Variants in SEMA6A observed in about 807,000 individuals in gnomAD.
SEMA6A encodes the protein semaphorin-6A.
SEMA6A carries 25 observed loss-of-function variants against 96.8 expected under a neutral mutation model. That is an observed-to-expected ratio of 0.26 (90% CI 0.19 to 0.36). The LOEUF is 0.36. SEMA6A is among the 10% of genes least tolerant of loss of function. The pLI, the probability that SEMA6A is intolerant of heterozygous loss-of-function variation, is 1.00. For missense variants in SEMA6A, 1,363 were observed against 1,323.1 expected (o/e 1.03, Z -0.47); for synonymous variants, 612 against 518.0 (o/e 1.18, Z -2.46).
In SEMA6A at chr5:116,446,937, G is replaced by T; in HGVS notation, c.2769C>A (p.Asn923Lys). 6 of 1,614,004 alleles carry T rather than the reference G, an allele frequency of 3.7e-6. No individual in the cohort carries two copies. Among genetic ancestry groups the T allele is most frequent in the Non-Finnish European group, 5.1e-6 (6 of 1,179,894 alleles). ...TGGCCTGGTGGCTTCTCGTGAGCGA[G>T]TTCGTGGGGTAGCTCCTCTTATAGT... ...GVDYKRSYPT[N>K]SLTRSHQATT... The change falls in exon 19 of 19, where the codon AAC becomes AAA. Residue 923 changes from asparagine (N) to lysine (K), a missense_variant. By Grantham distance (94) the Asn-to-Lys change is moderately conservative. This residue lies in a region of SEMA6A where 883 missense variants were observed against 763.6 expected (regional missense o/e 1.16). Coordinates refer to ENST00000343348, the MANE Select transcript of SEMA6A (RefSeq NM_020796.5).
At chr5:116,574,158 G>T (rs557549293) in intron 1 of SEMA6A, 27 bp downstream of exon 1, 1 of 151,292 alleles carries the variant, frequency 6.6e-6, no homozygotes, top group African/African-American at 2.4e-5. Flanking sequence ...CCGGGAGGTG[G>T]GGCGCGCCCG....
chr5:116,478,286 G>A (rs1308867072), intron 13 of SEMA6A, 132 bp from the exon 14 acceptor site: 2 of 1,058,480 alleles, frequency 1.9e-6, no homozygotes, highest in African/African-American at 1.6e-5. Context: ...AAACCCTTCT[G>A]CTCTTGCACA....
At chr5:116,523,050 A>G (rs1170460391) in intron 1 of SEMA6A, among the ~76,000 whole-genome samples, 4 of 152,168 alleles carry the variant, frequency 2.6e-5, no homozygotes, top group East Asian at 1.9e-4. Context: ...GATGTGGTCA[A>G]TGAGTTTCCT....
At chr5:116,492,956 C>T (rs1311443326) in intron 6 of SEMA6A, among the ~76,000 whole-genome samples, 1 of 152,162 alleles carries the variant, frequency 6.6e-6, no homozygotes, top group Non-Finnish European at 1.5e-5. Flanking sequence ...CACACTGTCC[C>T]CTGAGTCTAA....
chr5:116,530,239 G>C (rs1376771330), intron 1 of SEMA6A, among the ~76,000 whole-genome samples: 1 of 152,066 alleles, frequency 6.6e-6, no homozygotes, highest in Non-Finnish European at 1.5e-5. Context: ...ACATAAAAAG[G>C]CACTATTGCT....
chr5:116,543,452 GAAT>G (rs1248053395), intron 1 of SEMA6A, among the ~76,000 whole-genome samples: 1 of 152,046 alleles, frequency 6.6e-6, no homozygotes, highest in Non-Finnish European at 1.5e-5. Context: ...TTTCTTCTTA[GAAT>G]AATTCTCACT....
intron 1 of SEMA6A, among the ~76,000 whole-genome samples, chr5:116,529,977 C>T (rs1309041350): frequency 6.6e-6 from 1 of 151,980 alleles, no homozygotes; most frequent in Non-Finnish European, 1.5e-5. Flanking sequence ...TGCATGTATA[C>T]CCTCGGAACC....
At chr5:116,481,755 T>A (rs1478653336) in intron 11 of SEMA6A, among the ~76,000 whole-genome samples, 1 of 152,090 alleles carries the variant, frequency 6.6e-6, no homozygotes, top group Non-Finnish European at 1.5e-5. Context: ...TTCCCTCCTG[T>A]CCCAGTTAGG....
At chr5:116,522,913 A>G (rs73781648) in intron 1 of SEMA6A, among the ~76,000 whole-genome samples, 14,535 of 152,166 alleles carry the variant, frequency 0.096, 1,763 homozygotes, top group African/African-American at 0.28. Flanking sequence ...CCCCTGAGAC[A>G]GTCATCTTCG....
intron 1 of SEMA6A, among the ~76,000 whole-genome samples, chr5:116,532,215 T>C (rs990922510): frequency 1.3e-5 from 2 of 152,230 alleles, no homozygotes; most frequent in African/African-American, 4.8e-5. Context: ...ATGTGATTTA[T>C]GCCAAACACT....
chr5:116,481,369 ACTAT>A (rs1168962013), intron 11 of SEMA6A, among the ~76,000 whole-genome samples: 4 of 152,150 alleles, frequency 2.6e-5, no homozygotes, highest in South Asian at 2.1e-4. Flanking sequence ...ATGACTTAAG[ACTAT>A]CTGTCTGAGG....
In SEMA6A at chr5:116,478,299, C is replaced by T. The variant is rs545064350; in HGVS notation, c.1428-145G>A. Reference sequence around the variant, plus strand: ...ACAAACCCTTCTGCTCTTGCACACACGTAAACACACACATGTATATGTATC... The same window carrying T: ...ACAAACCCTTCTGCTCTTGCACACATGTAAACACACACATGTATATGTATC... On this transcript the variant is annotated intron_variant, in intron 13 of 18. Coordinates refer to ENST00000343348, the MANE Select transcript of SEMA6A (RefSeq NM_020796.5). 4.9e-4 allele frequency: 434 copies of T among 892,636 alleles called. 2 individuals carry two copies. Among genetic ancestry groups the T allele is most frequent in the Non-Finnish European group, 6.5e-4 (379 of 586,636 alleles). 55.3% of individuals were successfully genotyped at this position (892,636 alleles called of 1,614,324 possible). A position where few individuals can be genotyped will look rare whatever the true frequency, so the allele number is the denominator to read the frequency against.
chr5:116,561,273 C>A (rs2112905039), intron 1 of SEMA6A, among the ~76,000 whole-genome samples: 1 of 152,164 alleles, frequency 6.6e-6, no homozygotes, highest in East Asian at 1.9e-4. Context: ...ATAATAACAC[C>A]ATTAAATACA....
At chr5:116,461,771 G>C (rs1755412299) in intron 18 of SEMA6A, among the ~76,000 whole-genome samples, 2 of 152,108 alleles carry the variant, frequency 1.3e-5, no homozygotes. Flanking sequence ...TGGTCATAAA[G>C]GCCTTTTGGT....
rs779982458 is a variant in SEMA6A at position 116,447,620 on chromosome 5, G to A, written c.2086C>T (p.Arg696Trp). ...TTGGTGACGCTGCTCATGGAGCCCCGGCGCGAGTGGGTGAGCTCCTTCTCC... is the reference window on the plus strand; with the variant it reads ...TTGGTGACGCTGCTCATGGAGCCCCAGCGCGAGTGGGTGAGCTCCTTCTCC... ...RKEKELTHSRRGSMSSVTKLS... is the reference protein window; with the variant it reads ...RKEKELTHSRWGSMSSVTKLS... The change falls in exon 19 of 19, where the codon CGG becomes TGG. Residue 696 changes from arginine (R) to tryptophan (W), a missense_variant. Arg to Trp is a moderately radical substitution (Grantham distance 101). Transcript: ENST00000343348. The A allele has an allele frequency of 2.5e-6, 4 of 1,613,974 alleles. No individual in the cohort carries two copies. Among genetic ancestry groups the A allele is most frequent in the Non-Finnish European group, 3.4e-6 (4 of 1,179,862 alleles).
chr5:116,467,735 G>A lies in SEMA6A; in HGVS notation c.1742C>T (p.Ser581Phe), dbSNP rs768613651. ...TGATGTGGTTGTGCTGGGCAAGAGGGAACTGGAATGCCCTGTTTTCATCAC... is the reference window on the plus strand; with the variant it reads ...TGATGTGGTTGTGCTGGGCAAGAGGAAACTGGAATGCCCTGTTTTCATCAC... ...SFVALNGHSSSLLPSTTTSDS... is the reference protein window; with the variant it reads ...SFVALNGHSSFLLPSTTTSDS... Residue 581 changes from serine to phenylalanine, a missense_variant, in exon 18 of 19, where the codon TCC (serine) becomes TTC (phenylalanine). This residue lies in a region of SEMA6A where 883 missense variants were observed against 763.6 expected (regional missense o/e 1.16). Coordinates refer to ENST00000343348, the MANE Select transcript of SEMA6A (RefSeq NM_020796.5). The A allele has an allele frequency of 6.2e-6, 10 of 1,613,682 alleles. No individual in the cohort carries two copies. The highest frequency in any genetic ancestry group is 7.6e-6 in the Non-Finnish European group (9 of 1,179,768).
intron 1 of SEMA6A, among the ~76,000 whole-genome samples, chr5:116,564,999 G>A (rs1367442812): frequency 6.6e-6 from 1 of 152,220 alleles, no homozygotes; most frequent in Non-Finnish European, 1.5e-5. Flanking sequence ...CCAAATTATG[G>A]AGCAGAAATT....
intron 1 of SEMA6A, chr5:116,562,953 C>A: frequency 1.8e-6 from 1 of 568,922 alleles, no homozygotes; most frequent in Non-Finnish European, 3.4e-6. Flanking sequence ...TAGAGGACGT[C>A]CCCCCCATCC....
At chr5:116,475,024 T>C (rs1756379293) in intron 16 of SEMA6A, among the ~76,000 whole-genome samples, 1 of 152,216 alleles carries the variant, frequency 6.6e-6, no homozygotes, top group Admixed American at 6.5e-5. Context: ...TTATTTTGAA[T>C]TGCCTTGTAC....
Sources: allele counts gnomAD v4.1 joint callset (sites outside exome capture counted in the v4.1 genomes callset), GRCh38; gene constraint gnomAD v4.1.1; regional missense constraint gnomAD v4.1.1; transcripts MANE v1.5; gene names NCBI Gene and HGNC (gene_info 2026-07-23, HGNC 2026-07-21).